Variants in GALNT18 observed in about 807,000 individuals in gnomAD.
The protein encoded by GALNT18 is polypeptide N-acetylgalactosaminyltransferase 18.
Under a neutral mutation model 69.5 loss-of-function variants are expected in GALNT18, and 44 were observed. The observed-to-expected ratio is 0.63, with a 90% CI of 0.50 to 0.81. The LOEUF (loss-of-function observed/expected upper bound fraction) is 0.81, where lower values mean the gene tolerates loss of function less well. Among genes scored for constraint, GALNT18 ranks in the 40% least tolerant of loss-of-function variants. The pLI is 0.00. For synonymous variants in GALNT18, 364 were observed against 318.2 expected (o/e 1.14, Z -1.53); for missense variants, 715 against 810.0 (o/e 0.88, Z 1.42).
chr11:11,561,062 T>C (rs116169529), intron 1 of GALNT18, among the ~76,000 whole-genome samples: 125 of 152,372 alleles, frequency 8.2e-4, no homozygotes, highest in African/African-American at 2.8e-3. Context: ...GAAAACTATA[T>C]TTTACTAGAA....
chr11:11,482,963 A>G (rs1034958425), intron 1 of GALNT18, among the ~76,000 whole-genome samples: 9 of 152,236 alleles, frequency 5.9e-5, no homozygotes, highest in African/African-American at 2.2e-4. Flanking sequence ...CTACCTCATC[A>G]TAATCTGCAT....
intron 6 of GALNT18, chr11:11,353,392 C>T: frequency 5.4e-6 from 3 of 556,296 alleles, no homozygotes. Flanking sequence ...TCTATTTACT[C>T]AGCATATTCA....
chr11:11,273,299 C>T (rs1305307975), intron 10 of GALNT18, among the ~76,000 whole-genome samples: 1 of 152,144 alleles, frequency 6.6e-6, no homozygotes, highest in East Asian at 1.9e-4. Context: ...CAAACTACCC[C>T]TCTGACAAGG....
At chr11:11,423,989 T>G (rs1487177395) in intron 3 of GALNT18, among the ~76,000 whole-genome samples, 1 of 152,104 alleles carries the variant, frequency 6.6e-6, no homozygotes, top group Non-Finnish European at 1.5e-5. Flanking sequence ...GGGGGTCACT[T>G]GAGTCTCAGG....
chr11:11,484,593 CAAAA>C (rs1159968814), intron 1 of GALNT18, among the ~76,000 whole-genome samples: 38 of 83,048 alleles, frequency 4.6e-4, no homozygotes, highest in Middle Eastern at 7.4e-3. Flanking sequence ...AACTCCATCT[CAAAA>C]AAAAAAAAAA....
intron 5 of GALNT18, among the ~76,000 whole-genome samples, chr11:11,375,331 A>C (rs1853720558): frequency 6.6e-6 from 1 of 152,248 alleles, no homozygotes; most frequent in Middle Eastern, 3.2e-3. Flanking sequence ...TGGGTGATAG[A>C]AAATTTGAGG....
At position 11,463,138 on chromosome 11, in the gene GALNT18, G is replaced by C. The variant is rs892382466; in HGVS notation, c.236-14202C>G. ...AGTACAGTCTCCCACAAGAGAACAG[G>C]GTTCCTGCTTCCCTCAGTTATCACT... On this transcript the variant is annotated intron_variant, in intron 1 of 10. Coordinates refer to ENST00000227756, the MANE Select transcript of GALNT18 (RefSeq NM_198516.3). This position sits in a 1 kb window ranked among gnomAD's most constrained non-coding sequence, Gnocchi z 4.2. Among the ~76,000 whole-genome samples the C allele has an allele frequency of 7.9e-5, 12 of 151,906 alleles. No individual in the cohort carries two copies. Among genetic ancestry groups the C allele is most frequent in the South Asian group, 6.2e-4 (3 of 4,808 alleles).
intron 10 of GALNT18, among the ~76,000 whole-genome samples, chr11:11,288,637 T>C (rs1849239628): frequency 6.6e-6 from 1 of 152,200 alleles, no homozygotes; most frequent in Non-Finnish European, 1.5e-5. Context: ...TGTTCATCAT[T>C]GGAAAATTGC....
At chr11:11,403,041 A>C (rs1191681236) in intron 3 of GALNT18, among the ~76,000 whole-genome samples, 1 of 152,240 alleles carries the variant, frequency 6.6e-6, no homozygotes, top group Non-Finnish European at 1.5e-5. Context: ...ATGACGCTCC[A>C]GCATGATGTG....
chr11:11,372,384 A>T lies in GALNT18; in HGVS notation c.1092+131T>A. 1 of 698,954 alleles carries T rather than the reference A, an allele frequency of 1.4e-6. No individual in the cohort carries two copies. The allele number at this position is 698,954 out of a possible 1,614,324, so 43.3% of individuals were successfully genotyped here. ...CCTGTGTCTTCCCAATCCCAATCAC[A>T]CACAGGATTCAGGACTGGACATTCA... On this transcript the variant is annotated intron_variant, in intron 6 of 10. Coordinates refer to ENST00000227756, the MANE Select transcript of GALNT18 (RefSeq NM_198516.3). This position sits in a 1 kb window ranked among gnomAD's most constrained non-coding sequence, Gnocchi z 4.9.
chr11:11,570,632 G>A (rs1389659173), intron 1 of GALNT18, among the ~76,000 whole-genome samples: 1 of 152,204 alleles, frequency 6.6e-6, no homozygotes, highest in African/African-American at 2.4e-5. Context: ...GCTCAGGAAG[G>A]ATTTATTTCC....
intron 6 of GALNT18, chr11:11,352,812 T>A: frequency 6.2e-7 from 1 of 1,614,150 alleles, no homozygotes; most frequent in East Asian, 2.2e-5. Context: ...TGACACAGGG[T>A]CTTTTACAAT....
intron 1 of GALNT18, among the ~76,000 whole-genome samples, chr11:11,506,232 T>A (rs558322974): frequency 6.6e-6 from 1 of 152,232 alleles, no homozygotes; most frequent in South Asian, 2.1e-4. Context: ...AACCAATACA[T>A]GCATACACAC....
At chr11:11,441,167 T>A (rs2133808344) in intron 2 of GALNT18, among the ~76,000 whole-genome samples, 1 of 152,284 alleles carries the variant, frequency 6.6e-6, no homozygotes, top group East Asian at 1.9e-4. Flanking sequence ...ATACTTCTAT[T>A]AATATAGCTC....
intron 1 of GALNT18, among the ~76,000 whole-genome samples, chr11:11,453,123 G>C (rs1416859939): frequency 6.6e-6 from 1 of 152,200 alleles, no homozygotes; most frequent in Non-Finnish European, 1.5e-5. Flanking sequence ...AGACAGCCAT[G>C]CTTGGGGACC....
At chr11:11,531,919 TGCAC>T (rs1159003153) in intron 1 of GALNT18, among the ~76,000 whole-genome samples, 1 of 152,240 alleles carries the variant, frequency 6.6e-6, no homozygotes, top group Non-Finnish European at 1.5e-5. Context: ...TATGTATGGA[TGCAC>T]GTGTGTGTGA....
chr11:11,561,574 A>G lies in GALNT18; in HGVS notation c.235+59785T>C, dbSNP rs1275210804. On this transcript the variant is annotated intron_variant, in intron 1 of 10. Coordinates refer to ENST00000227756, the MANE Select transcript of GALNT18 (RefSeq NM_198516.3). ...AATGCCTAGCAGAGTCAGCTAAAAA[A>G]CAGATGTCAAGGAAAGGCTCGTTGA... 2.6e-5 allele frequency among the ~76,000 whole-genome samples: 4 copies of G among 152,220 alleles called. No homozygotes were observed. The East Asian group carries it at 7.7e-4, about 29-fold the overall frequency.
At chr11:11,467,882 TG>T (rs1240406221) in intron 1 of GALNT18, among the ~76,000 whole-genome samples, 1 of 152,180 alleles carries the variant, frequency 6.6e-6, no homozygotes, top group East Asian at 1.9e-4. Flanking sequence ...AACTTCAGTG[TG>T]TATACAAGAA....
In GALNT18 at chr11:11,555,002, C is replaced by A. The variant is rs11021927; in HGVS notation, c.235+66357G>T. Among the ~76,000 whole-genome samples the A allele has an allele frequency of 0.25, 38,213 of 152,160 alleles. 6,077 individuals carry two copies. Among genetic ancestry groups the A allele is most frequent in the Middle Eastern group, 0.39 (114 of 294 alleles). On this transcript the variant is annotated intron_variant, in intron 1 of 10. Coordinates refer to ENST00000227756, the MANE Select transcript of GALNT18 (RefSeq NM_198516.3). This position sits in a 1 kb window ranked among gnomAD's most constrained non-coding sequence, Gnocchi z 4.7. The stretch of plus-strand genomic sequence containing the variant: ...ATCTCTGAACCTACTCTTGCAGGCA[C>A]CTTCCTTGCACTTTGAGATTGTGGT...
Sources: allele counts gnomAD v4.1 joint callset (sites outside exome capture counted in the v4.1 genomes callset), GRCh38; gene constraint gnomAD v4.1.1; non-coding constraint Gnocchi (gnomAD v3.1); transcripts MANE v1.5; gene names NCBI Gene and HGNC (gene_info 2026-07-23, HGNC 2026-07-21).